The following ZZEF1 variants were observed in gnomAD, a reference collection of about 807,000 sequenced individuals.
ZZEF1 encodes the protein zinc finger ZZ-type and EF-hand domain-containing protein 1.
ZZEF1 carries 157 observed loss-of-function variants against 342.8 expected under a neutral mutation model. The ratio of observed to expected loss-of-function variants is 0.46; its 90% CI spans 0.40 to 0.52. ZZEF1 has a LOEUF of 0.52. Among genes scored for constraint, ZZEF1 ranks in the 20% least tolerant of loss-of-function variants. ZZEF1 has a pLI of 0.00. For synonymous variants in ZZEF1, 1,505 were observed against 1,429.1 expected, an observed-to-expected ratio of 1.05 and a Z score of -1.20; for missense variants, 3,480 against 3,725.6, an observed-to-expected ratio of 0.93 and a Z score of 1.72.
chr17:4,117,047 G>A lies in ZZEF1; in HGVS notation c.619C>T (p.His207Tyr), dbSNP rs2058406073. Residue 207 changes from histidine (H) to tyrosine (Y), a missense_variant, in exon 3 of 55, where the codon CAC becomes TAC. This residue lies in a region of ZZEF1 where 416 missense variants were observed against 374.2 expected (regional missense o/e 1.11). Transcript: ENST00000381638. Reference sequence around the variant, plus strand: ...CGCATGGTGCACATGTTATTGCAGTGCTCCAGCATCGGGTAGGGCATCACC... The same window carrying A: ...CGCATGGTGCACATGTTATTGCAGTACTCCAGCATCGGGTAGGGCATCACC... ...SAVMPYPMLE[H>Y]CNNMCTMRSS... 1 of 1,613,982 alleles carries A rather than the reference G, an allele frequency of 6.2e-7. No homozygotes were observed. The highest frequency in any genetic ancestry group is 1.7e-5 in the Admixed American group (1 of 60,010).
intron 34 of ZZEF1, among the ~76,000 whole-genome samples, chr17:4,052,857 A>T (rs2057079005): frequency 7.0e-6 from 1 of 142,298 alleles, no homozygotes; most frequent in African/African-American, 2.9e-5. Context: ...ACAGAGTGAG[A>T]CTTTGTCTCG....
intron 2 of ZZEF1, among the ~76,000 whole-genome samples, chr17:4,117,640 C>G (rs2058418019): frequency 1.4e-5 from 1 of 71,566 alleles, no homozygotes; most frequent in Non-Finnish European, 2.7e-5. Context: ...AACAGTGAAA[C>G]TCCACCTCAA....
chr17:4,076,162 C>T (rs1233607009), intron 21 of ZZEF1: 3 of 66,070 alleles, frequency 4.5e-5, no homozygotes, highest in Non-Finnish European at 9.3e-5. Flanking sequence ...GACGGAGTCT[C>T]GCTCTGTGGC....
Position 4,085,515 on chromosome 17 carries a change from T to C in ZZEF1, c.2646+155A>G, listed in dbSNP as rs556802639. Among the ~76,000 whole-genome samples, 65 of 152,284 alleles carry C rather than the reference T, an allele frequency of 4.3e-4. 3 individuals carry two copies. In the South Asian group the frequency reaches 0.013, roughly 31 times the overall value. ...TCATCCCACTCTGAGTGGAGTGCCA[T>C]GTCCTTAGATATCTGTCCCACACAA... On this transcript the variant is annotated intron_variant, in intron 16 of 54. Coordinates refer to ENST00000381638, the MANE Select transcript of ZZEF1 (RefSeq NM_015113.4).
At chr17:4,013,974 T>C in intron 51 of ZZEF1, 116 bp downstream of exon 51, 1 of 980,272 alleles carries the variant, frequency 1.0e-6, no homozygotes. Flanking sequence ...ATTTGGAAAG[T>C]GTGAGAGACA....
intron 16 of ZZEF1, among the ~76,000 whole-genome samples, chr17:4,083,095 T>C (rs1436580953): frequency 2.0e-5 from 3 of 152,164 alleles, no homozygotes; most frequent in Non-Finnish European, 2.9e-5. Context: ...CTTTTTGCCA[T>C]TGGACAAGCC....
At chr17:4,103,671 A>G (rs1336348962) in intron 8 of ZZEF1, among the ~76,000 whole-genome samples, 2 of 152,160 alleles carry the variant, frequency 1.3e-5, no homozygotes, top group Non-Finnish European at 2.9e-5. Flanking sequence ...CAGTCCCAGG[A>G]TTTTAAGAGG....
Position 4,130,411 on chromosome 17 carries a change from C to G in ZZEF1, c.355-6360G>C, listed in dbSNP as rs1258989678. ...GAGCTTGCAGTGAGCTGAGATCTCACCCTTGCACTCCAGCTTGGGTGACAG... is the reference window on the plus strand; with the variant it reads ...GAGCTTGCAGTGAGCTGAGATCTCAGCCTTGCACTCCAGCTTGGGTGACAG... On this transcript the variant is annotated intron_variant, in intron 1 of 54. Coordinates refer to ENST00000381638, the MANE Select transcript of ZZEF1 (RefSeq NM_015113.4). Among the ~76,000 whole-genome samples, 6 of 152,052 alleles carry G rather than the reference C, an allele frequency of 3.9e-5. No homozygotes were observed. The East Asian group carries it at 1.2e-3, about 29-fold the overall frequency.
chr17:4,085,631 G>A, intron 16 of ZZEF1, 39 bp downstream of exon 16: 1 of 1,610,722 alleles, frequency 6.2e-7, no homozygotes, highest in Non-Finnish European at 8.5e-7. Flanking sequence ...CATCCTCACA[G>A]ACTTCAGACA....
In ZZEF1 at chr17:4,008,841, G is replaced by GC; in HGVS notation, c.8805+41dup. ...GCCCTGGCAATGGTGAGATGGTGGC[G>GC]CCCCAGCCTGGGGGCCAGCTCTGTT... is the stretch of plus-strand genomic sequence containing the variant. On this transcript the variant is annotated intron_variant, in intron 54 of 54. Transcript: ENST00000381638. This position sits in a 1 kb window ranked among gnomAD's most constrained non-coding sequence, Gnocchi z 4.2. 1 of 1,540,860 alleles carries GC rather than the reference G, an allele frequency of 6.5e-7. No individual in the cohort carries two copies. Among genetic ancestry groups the GC allele is most frequent in the Non-Finnish European group, 8.7e-7 (1 of 1,145,916 alleles).
chr17:4,123,044 C>T (rs2058510068), intron 2 of ZZEF1, among the ~76,000 whole-genome samples: 1 of 150,832 alleles, frequency 6.6e-6, no homozygotes, highest in Non-Finnish European at 1.5e-5. Flanking sequence ...CTCAGCCTCC[C>T]GAGTAGCTGG....
At chr17:4,042,382 T>G in intron 39 of ZZEF1, 47 bp downstream of exon 39, 1 of 1,578,926 alleles carries the variant, frequency 6.3e-7, no homozygotes. Flanking sequence ...CAAAACCTTC[T>G]TCTATGCATA....
intron 33 of ZZEF1, 92 bp downstream of exon 33, chr17:4,056,124 C>G (rs1186153755): frequency 2.9e-5 from 39 of 1,336,334 alleles, no homozygotes; most frequent in Non-Finnish European, 3.8e-5. Flanking sequence ...GCAGCCCTCT[C>G]AGGTAAGAGC....
intron 4 of ZZEF1, among the ~76,000 whole-genome samples, chr17:4,113,895 G>A (rs979923457): frequency 6.6e-6 from 1 of 151,894 alleles, no homozygotes; most frequent in African/African-American, 2.4e-5. Flanking sequence ...CTTGAACCCA[G>A]GAGTCTGAGG....
At chr17:4,089,281 C>A (rs906486219) in intron 12 of ZZEF1, among the ~76,000 whole-genome samples, 2 of 152,152 alleles carry the variant, frequency 1.3e-5, no homozygotes, top group African/African-American at 4.8e-5. Context: ...ATAGGCAACC[C>A]CTAAGCTAGA....
Position 4,034,184 on chromosome 17 carries a change from G to A in ZZEF1, c.6415C>T (p.Leu2139Phe), listed in dbSNP as rs758755995. 6.2e-7 allele frequency: 1 copy of A among 1,614,182 alleles called. No homozygotes were observed. Among genetic ancestry groups the A allele is most frequent in the Non-Finnish European group, 8.5e-7 (1 of 1,180,026 alleles). ...AGACGGATAATTAACTGGCCGAGAAGACCCAGGGTGAGATGGTAGGTTTCA... is the reference window on the plus strand; with the variant it reads ...AGACGGATAATTAACTGGCCGAGAAAACCCAGGGTGAGATGGTAGGTTTCA... ...LNETYHLTLG[L>F]LGQLIIRLLP... Residue 2139 changes from leucine to phenylalanine, a missense_variant, in exon 40 of 55, where the codon CTT becomes TTT. By Grantham distance (22) the Leu-to-Phe change is conservative. Coordinates refer to ENST00000381638, the MANE Select transcript of ZZEF1 (RefSeq NM_015113.4).
intron 52 of ZZEF1, among the ~76,000 whole-genome samples, chr17:4,012,377 T>G (rs961353950): frequency 9.9e-5 from 15 of 152,210 alleles, no homozygotes; most frequent in Non-Finnish European, 2.1e-4. Context: ...TGAGAGTCCT[T>G]TGTTATTTTA....
Position 4,087,552 on chromosome 17 carries a change from T to C in ZZEF1, c.2242-18A>G. ...TGCTGCACCTAAAAAATTATAAAGA[T>C]CAGAATAAATAAAACTGAAAAATGC... On this transcript the variant is annotated intron_variant, in intron 13 of 54. Transcript: ENST00000381638. 1 of 1,584,192 alleles carries C rather than the reference T, an allele frequency of 6.3e-7. No homozygotes were observed. The highest frequency in any genetic ancestry group is 8.6e-7 in the Non-Finnish European group (1 of 1,167,686).
At chr17:4,033,105 A>G in intron 40 of ZZEF1, 103 bp from the exon 41 acceptor site, 1 of 1,130,482 alleles carries the variant, frequency 8.8e-7, no homozygotes, top group Non-Finnish European at 1.2e-6. Flanking sequence ...TCAAAGAGCC[A>G]TTCATTAACT....
Sources: allele counts gnomAD v4.1 joint callset (sites outside exome capture counted in the v4.1 genomes callset), GRCh38; gene constraint gnomAD v4.1.1; regional missense constraint gnomAD v4.1.1; non-coding constraint Gnocchi (gnomAD v3.1); transcripts MANE v1.5; gene names NCBI Gene and HGNC (gene_info 2026-07-23, HGNC 2026-07-21).